CD226: variants seen among roughly 807,000 people sequenced by gnomAD.
CD226 encodes CD226 molecule.
CD226 carries 24 observed loss-of-function variants against 34.9 expected under a neutral mutation model. The ratio of observed to expected loss-of-function variants is 0.69; its 90% CI spans 0.50 to 0.97. The LOEUF is 0.97. Among genes scored for constraint, CD226 ranks in the 50% least tolerant of loss-of-function variants. The pLI, the probability that CD226 is intolerant of heterozygous loss-of-function variation, is 0.00. For synonymous variants in CD226, 148 were observed against 147.4 expected (o/e 1.00, Z -0.03); for missense variants, 397 against 412.7 (o/e 0.96, Z 0.33).
chr18:69,916,592 C>G (rs758796842), intron 2 of CD226, among the ~76,000 whole-genome samples: 1 of 152,152 alleles, frequency 6.6e-6, no homozygotes, highest in African/African-American at 2.4e-5. Flanking sequence ...GATGTTTAGA[C>G]AAGCATCAAA....
upstream of CD226, chr18:69,957,288 T>A (rs1215110949): frequency 1.3e-5 from 2 of 151,770 alleles, no homozygotes; most frequent in African/African-American, 4.9e-5. Flanking sequence ...TCTTTTTAAG[T>A]CAAGAGGCTT....
intron 2 of CD226, among the ~76,000 whole-genome samples, chr18:69,944,124 T>A (rs994343276): frequency 1.3e-5 from 2 of 152,152 alleles, no homozygotes; most frequent in Non-Finnish European, 2.9e-5. Flanking sequence ...ACAACTAATA[T>A]TTTTTAAACT....
chr18:69,947,415 A>G lies in CD226; in HGVS notation c.-9T>C. 6.3e-7 allele frequency: 1 copy of G among 1,580,444 alleles called. No individual in the cohort carries two copies. Among genetic ancestry groups the G allele is most frequent in the Non-Finnish European group, 8.6e-7 (1 of 1,165,488 alleles). On this transcript the variant is annotated 5_prime_UTR_variant, in exon 1 of 6. Transcript: ENST00000582621. The stretch of plus-strand genomic sequence containing the variant: ...AAAGTAGGATAATCCATCTCTGGAA[A>G]CTGTTTGAAAGGCTGGTTCTATTAA...
intron 2 of CD226, among the ~76,000 whole-genome samples, chr18:69,899,653 C>T (rs1395048055): frequency 2.6e-5 from 4 of 152,252 alleles, no homozygotes; most frequent in South Asian, 2.1e-4. Context: ...AAGACATATA[C>T]GTGGCCAACA....
At chr18:69,904,374 C>G (rs4891786) in intron 2 of CD226, among the ~76,000 whole-genome samples, 134,876 of 152,204 alleles carry the variant, frequency 0.89, 60,725 homozygotes, top group East Asian at 1. Context: ...GCCCCGGCAG[C>G]TTTGTGATTC....
At chr18:69,898,341 C>T (rs1985419047) in intron 2 of CD226, among the ~76,000 whole-genome samples, 1 of 152,176 alleles carries the variant, frequency 6.6e-6, no homozygotes, top group Non-Finnish European at 1.5e-5. Flanking sequence ...TCTCTGGATG[C>T]CGCCCCGTCC....
chr18:69,934,975 C>T (rs910323045), intron 2 of CD226, among the ~76,000 whole-genome samples: 1 of 152,158 alleles, frequency 6.6e-6, no homozygotes, highest in Non-Finnish European at 1.5e-5. Context: ...TGCCTGCAAC[C>T]TCCTCTCCCT....
In CD226 at chr18:69,946,882, C is replaced by T. The variant is rs759945726; in HGVS notation, c.234G>A (p.Arg78=). 1.9e-6 allele frequency: 3 copies of T among 1,614,008 alleles called. No homozygotes were observed. In the Admixed American group the frequency reaches 5.0e-5, roughly 27 times the overall value. The change falls in exon 2 of 6, where the codon AGG becomes AGA. Residue 78 remains arginine (R), a synonymous_variant. Coordinates refer to ENST00000582621, the MANE Select transcript of CD226 (RefSeq NM_001303618.2). ...CCATCGTTGAATTCAAAAAGTAAAC[C>T]CTCTCAGCATAGGGCTTCCTTATGA... The part of the protein sequence containing the change: ...GMVIRKPYAE[R]VYFLNSTMAS...
At chr18:69,884,232 T>C (rs9958513) in intron 3 of CD226, among the ~76,000 whole-genome samples, 7,279 of 152,170 alleles carry the variant, frequency 0.048, 523 homozygotes, top group African/African-American at 0.15. Context: ...ACATGGAGCC[T>C]TGTGGAATAT....
chr18:69,946,836 A>C lies in CD226; in HGVS notation c.280T>G (p.Phe94Val). 3 of 1,614,212 alleles carry C rather than the reference A, an allele frequency of 1.9e-6. No homozygotes were observed. The highest frequency in any genetic ancestry group is 2.5e-6 in the Non-Finnish European group (3 of 1,180,026). Residue 94 changes from phenylalanine to valine, a missense_variant, in exon 2 of 6, where the codon TTC becomes GTC. Physicochemically the swap from Phe to Val is conservative, Grantham distance 50. Transcript: ENST00000582621. ...TCATCTTCAGAGGCATTCCGAAAGA[A>C]AAGAGTCATGTTATTGGAAGCCATC... ...STMASNNMTLFFRNASEDDVG... is the reference protein window; with the variant it reads ...STMASNNMTLVFRNASEDDVG...
At chr18:69,879,810 C>A (rs1485123065) in intron 3 of CD226, among the ~76,000 whole-genome samples, 3 of 152,218 alleles carry the variant, frequency 2.0e-5, no homozygotes, top group African/African-American at 7.2e-5. Flanking sequence ...TTCAGCCAGT[C>A]CCTCCGTTCA....
intron 1 of CD226, among the ~76,000 whole-genome samples, chr18:69,955,732 G>A (rs1417529743): frequency 2.6e-5 from 4 of 151,794 alleles, no homozygotes; most frequent in Admixed American, 6.6e-5. Flanking sequence ...GTGTGGTAGC[G>A]GGCACCTGTA....
At chr18:69,898,712 T>G (rs1020210587) in intron 2 of CD226, among the ~76,000 whole-genome samples, 2 of 152,124 alleles carry the variant, frequency 1.3e-5, no homozygotes, top group Admixed American at 6.5e-5. Context: ...TAGATGAAAA[T>G]CAAGACCTAT....
chr18:69,878,742 C>T (rs1788242), intron 3 of CD226, among the ~76,000 whole-genome samples: 28,925 of 152,034 alleles, frequency 0.19, 3,418 homozygotes, highest in African/African-American at 0.33. Flanking sequence ...TGGTTTTCGC[C>T]GCCATCATGG....
At chr18:69,899,960 T>C (rs1985507410) in intron 2 of CD226, among the ~76,000 whole-genome samples, 1 of 152,134 alleles carries the variant, frequency 6.6e-6, no homozygotes, top group South Asian at 2.1e-4. Context: ...ATCATCCCAC[T>C]ATAAAGACAC....
At chr18:69,873,049 T>C (rs1983632216) in intron 4 of CD226, 95 bp downstream of exon 4, 4 of 763,590 alleles carry the variant, frequency 5.2e-6, no homozygotes, top group Non-Finnish European at 9.5e-6. Flanking sequence ...CAAAAATATA[T>C]ATGTGAATGC....
chr18:69,867,669 T>C (rs532917810), intron 4 of CD226, among the ~76,000 whole-genome samples: 1 of 152,314 alleles, frequency 6.6e-6, no homozygotes, highest in Admixed American at 6.5e-5. Flanking sequence ...TCTCAGTGAT[T>C]TTACTAAAGA....
intron 3 of CD226, among the ~76,000 whole-genome samples, chr18:69,886,884 A>G (rs1984588223): frequency 6.6e-6 from 1 of 152,184 alleles, no homozygotes; most frequent in Non-Finnish European, 1.5e-5. Flanking sequence ...CAAATAGACT[A>G]TCCAATTTTA....
At chr18:69,880,777 G>A (rs1036869196) in intron 3 of CD226, among the ~76,000 whole-genome samples, 11 of 151,192 alleles carry the variant, frequency 7.3e-5, no homozygotes, top group Middle Eastern at 6.8e-3. Flanking sequence ...TCAGCCCCCT[G>A]AGTAGCTGGG....
Sources: allele counts gnomAD v4.1 joint callset (sites outside exome capture counted in the v4.1 genomes callset), GRCh38; gene constraint gnomAD v4.1.1; transcripts MANE v1.5; gene names NCBI Gene and HGNC (gene_info 2026-07-23, HGNC 2026-07-21).